Variants in IARS2 observed in about 807,000 individuals in gnomAD.
IARS2 encodes the protein isoleucyl-tRNA synthetase 2, mitochondrial, also known as isoleucine--tRNA ligase, mitochondrial.
IARS2 carries 56 observed loss-of-function variants against 126.3 expected under a neutral mutation model. That is an observed-to-expected ratio of 0.44 (90% confidence interval 0.36 to 0.55). IARS2 has a LOEUF of 0.55. IARS2 is among the 20% of genes least tolerant of loss of function. IARS2 has a pLI of 0.00. For missense variants in IARS2, 1,127 were observed against 1,245.9 expected, an observed-to-expected ratio of 0.90 and a Z score of 1.44; for synonymous variants, 407 against 441.1, an observed-to-expected ratio of 0.92 and a Z score of 0.97.
At chr1:220,143,903 G>A in intron 21 of IARS2, 1 of 811,046 alleles carries the variant, frequency 1.2e-6, no homozygotes, top group Non-Finnish European at 2.0e-6. Flanking sequence ...AATTGGCAAT[G>A]AATATAATTT....
chr1:220,102,544 C>A lies in IARS2; in HGVS notation c.799C>A (p.Arg267Ser). The A allele has an allele frequency of 1.9e-6, 3 of 1,613,920 alleles. No homozygotes were observed. The highest frequency in any genetic ancestry group is 2.5e-6 in the Non-Finnish European group (3 of 1,179,918). The stretch of plus-strand genomic sequence containing the variant: ...TGAATATAATCCTGAGCATGTCAGT[C>A]GTTCAATATATGTAAAATTTCCTCT... ...ELEYNPEHVS[R>S]SIYVKFPLLK... The change falls in exon 6 of 23, where the codon CGT (arginine) becomes AGT (serine). Residue 267 changes from arginine (R) to serine (S), a missense_variant. Physicochemically the swap from Arg to Ser is moderately radical, Grantham distance 110 (BLOSUM62 -1). Transcript: ENST00000366922.
At chr1:220,121,422 A>G (rs1323372102) in intron 12 of IARS2, among the ~76,000 whole-genome samples, 1 of 152,178 alleles carries the variant, frequency 6.6e-6, no homozygotes, top group Non-Finnish European at 1.5e-5. Flanking sequence ...TGAATTTTAG[A>G]CTAGAGGTGT....
rs1420074886 is a variant in IARS2 at position 220,139,135 on chromosome 1, A to G, written c.2303A>G (p.Asn768Ser). 1 of 1,605,044 alleles carries G rather than the reference A, an allele frequency of 6.2e-7. No individual in the cohort carries two copies. The highest frequency in any genetic ancestry group is 8.5e-7 in the Non-Finnish European group (1 of 1,176,764). Reference sequence around the variant, plus strand: ...CTACACTTACTGCAGGATTTGGCAAACAAGGTAAATGTAAATTAATAAACT... The same window carrying G: ...CTACACTTACTGCAGGATTTGGCAAGCAAGGTAAATGTAAATTAATAAACT... The part of the protein sequence containing the change: ...YMLHLLQDLA[N>S]KITELYKQYD... The change falls in exon 18 of 23, where the codon AAC becomes AGC. Residue 768 changes from asparagine to serine, a missense_variant. Asn to Ser is a conservative substitution (Grantham distance 46). Transcript: ENST00000366922.
At chr1:220,111,576 G>GTATATATATA (rs148565915) in intron 11 of IARS2, among the ~76,000 whole-genome samples, 5 of 139,540 alleles carry the variant, frequency 3.6e-5, no homozygotes, top group African/African-American at 1.4e-4. Context: ...TTCTATATGG[G>GTATATATATA]TATATATATA....
chr1:220,126,611 C>T, intron 13 of IARS2, 139 bp from the exon 14 acceptor site: 1 of 660,800 alleles, frequency 1.5e-6, no homozygotes, highest in East Asian at 2.9e-5. Context: ...CTGTGAAATG[C>T]TTAAAAATAC....
intron 2 of IARS2, among the ~76,000 whole-genome samples, 174 bp from the exon 3 acceptor site, chr1:220,100,316 C>T (rs553383852): frequency 3.3e-5 from 5 of 151,782 alleles, no homozygotes; most frequent in South Asian, 2.1e-4. Flanking sequence ...TTAATTTATA[C>T]GTTTCCTTTC....
At chr1:220,121,715 G>C (rs956072688) in intron 12 of IARS2, among the ~76,000 whole-genome samples, 1 of 152,070 alleles carries the variant, frequency 6.6e-6, no homozygotes, top group Non-Finnish European at 1.5e-5. Context: ...AAAGTGCTAG[G>C]ATTATAGTCA....
chr1:220,138,570 A>G (rs1211538983), intron 17 of IARS2, among the ~76,000 whole-genome samples: 2 of 151,342 alleles, frequency 1.3e-5, no homozygotes, highest in Non-Finnish European at 2.9e-5. Flanking sequence ...TTTATATTTT[A>G]TTAATATATA....
chr1:220,100,564 T>G lies in IARS2; in HGVS notation c.465T>G (p.Cys155Trp). The G allele has an allele frequency of 6.2e-7, 1 of 1,613,520 alleles. No homozygotes were observed. The highest frequency in any genetic ancestry group is 8.5e-7 in the Non-Finnish European group (1 of 1,179,606). ...TACATTTTGTGCCCGGCTGGGATTG[T>G]CATGGGTTGCCCATTGAAATAAAAG... ...SKIHFVPGWD[C>W]HGLPIEIKVL... Residue 155 changes from cysteine to tryptophan, a missense_variant, in exon 3 of 23, where the codon TGT becomes TGG. Coordinates refer to ENST00000366922, the MANE Select transcript of IARS2 (RefSeq NM_018060.4).
Position 220,147,697 on chromosome 1 carries a change from T to G in IARS2, c.*62T>G, listed in dbSNP as rs1053585052. On this transcript the variant is annotated 3_prime_UTR_variant, in exon 23 of 23. Transcript: ENST00000366922. ...GTACTGGCTAGAAGTTTGGATGGAT[T>G]ATTTACAATATAGGAAAGAAAGCCA... The G allele has an allele frequency of 6.4e-7, 1 of 1,550,644 alleles. No individual in the cohort carries two copies. Among genetic ancestry groups the G allele is most frequent in the Non-Finnish European group, 8.8e-7 (1 of 1,136,376 alleles).
At chr1:220,110,414 G>A (rs1187336159) in intron 10 of IARS2, among the ~76,000 whole-genome samples, 1 of 152,192 alleles carries the variant, frequency 6.6e-6, no homozygotes, top group East Asian at 1.9e-4. Flanking sequence ...CACCCAGGCT[G>A]GAGTGCAGTG....
rs545012783 is a variant in IARS2, at chr1:220,106,735, C to T, written c.1237-326C>T. 5.3e-5 allele frequency among the ~76,000 whole-genome samples: 8 copies of T among 150,836 alleles called. 1 individual carries two copies. The South Asian group carries it at 1.5e-3, about 28-fold the overall frequency. On this transcript the variant is annotated intron_variant, in intron 9 of 22. Transcript: ENST00000366922. ...GCAACCTCTACCTCCAGGGTTCAAG[C>T]GATTCTCCTGCCTCAGCCTCCCGAG... is the stretch of plus-strand genomic sequence containing the variant.
In IARS2 at chr1:220,123,039, C is replaced by T. The variant is rs79947888; in HGVS notation, c.1641-2198C>T. The stretch of plus-strand genomic sequence containing the variant: ...ATCAATTGTAATTGTGCGTATGTGT[C>T]CATGTAAATGTACTTTACTAGTATC... On this transcript the variant is annotated intron_variant, in intron 12 of 22. Transcript: ENST00000366922. 1.5e-3 allele frequency among the ~76,000 whole-genome samples: 229 copies of T among 150,446 alleles called. 1 individual carries two copies. The East Asian group carries it at 0.039, about 26-fold the overall frequency.
intron 14 of IARS2, among the ~76,000 whole-genome samples, chr1:220,127,061 CA>C (rs1389102541): frequency 6.6e-6 from 1 of 152,174 alleles, no homozygotes; most frequent in Non-Finnish European, 1.5e-5. Context: ...ATTTATAATA[CA>C]GAAAATAGTT....
chr1:220,136,094 G>A (rs75185105), intron 15 of IARS2, among the ~76,000 whole-genome samples: 4 of 152,076 alleles, frequency 2.6e-5, no homozygotes, highest in African/African-American at 9.7e-5. Flanking sequence ...TGTGTAAGTC[G>A]AGAGTTAACT....
At chr1:220,110,751 T>G in intron 10 of IARS2, 35 bp from the exon 11 acceptor site, 1 of 1,490,840 alleles carries the variant, frequency 6.7e-7, no homozygotes, top group Non-Finnish European at 9.2e-7. Flanking sequence ...CAGTACTTTT[T>G]AATTATGTCT....
chr1:220,135,898 A>C (rs1216056475), intron 15 of IARS2, among the ~76,000 whole-genome samples: 1 of 151,440 alleles, frequency 6.6e-6, no homozygotes, highest in African/African-American at 2.4e-5. Flanking sequence ...ACACACTAAA[A>C]AGTTTTCTCA....
chr1:220,144,112 T>C (rs1657541264), intron 21 of IARS2: 1 of 892,776 alleles, frequency 1.1e-6, no homozygotes, highest in South Asian at 1.3e-5. Context: ...GCTTTGCACA[T>C]CAAATCTGGG....
At chr1:220,119,037 A>G (rs961829807) in intron 12 of IARS2, among the ~76,000 whole-genome samples, 8 of 152,264 alleles carry the variant, frequency 5.3e-5, no homozygotes, top group African/African-American at 1.9e-4. Context: ...ATAATCTTCA[A>G]TATTTTTGCT....
Sources: gnomAD v4.1 joint callset for allele counts (sites outside exome capture counted in the v4.1 genomes callset) on GRCh38, gnomAD v4.1.1 for gene constraint, MANE v1.5 for transcripts, NCBI Gene and HGNC (gene_info 2026-07-23, HGNC 2026-07-21) for gene names.